The following ASB3 variants were observed in gnomAD, a reference collection of about 807,000 sequenced individuals.
ASB3 encodes the protein ankyrin repeat and SOCS box containing 3, also known as ankyrin repeat and SOCS box protein 3.
A neutral mutation model predicts 54.5 loss-of-function variants in ASB3; 41 were observed. The observed-to-expected ratio is 0.75, with a 90% confidence interval of 0.59 to 0.98. The LOEUF (loss-of-function observed/expected upper bound fraction) is 0.98. Ranked by LOEUF, ASB3 falls within the 50% of genes least tolerant of loss-of-function variation. The pLI, the probability that ASB3 is intolerant of heterozygous loss-of-function variation, is 0.00. For missense variants in ASB3, 733 were observed against 620.0 expected (o/e 1.18, Z -1.94); for synonymous variants, 266 against 221.2 (o/e 1.20, Z -1.80).
At position 53,700,358 on chromosome 2, in the gene ASB3, G is replaced by T; in HGVS notation, c.1151C>A (p.Ala384Glu). 2 of 1,614,084 alleles carry T rather than the reference G, an allele frequency of 1.2e-6. No individual in the cohort carries two copies. Among genetic ancestry groups the T allele is most frequent in the Non-Finnish European group, 1.7e-6 (2 of 1,180,000 alleles). Residue 384 changes from alanine to glutamate, a missense_variant, in exon 8 of 10, where the codon GCA becomes GAA. Transcript: ENST00000263634. ...WNHIYEFVNH[A>E]IKAQAKYKEW... ...CTTATATTTTGCTTGTGCTTTAATTGCATGATTTACAAATTCATATATATG... is the reference window on the plus strand; with the variant it reads ...CTTATATTTTGCTTGTGCTTTAATTTCATGATTTACAAATTCATATATATG...
In ASB3 at chr2:53,750,835, A is replaced by G; in HGVS notation, c.303T>C (p.Ala101=). The G allele has an allele frequency of 6.2e-7, 1 of 1,602,798 alleles. No individual in the cohort carries two copies. The highest frequency in any genetic ancestry group is 8.5e-7 in the Non-Finnish European group (1 of 1,174,616). ...AAGTAGTTGCATTAGGATCTGCCCC[A>G]GCTTCTAAAAGAATCTGTACGATTT... ...HWKIVQILLE[A]GADPNATTLE... The change falls in exon 3 of 10, where the codon GCT becomes GCC. Residue 101 remains alanine, a synonymous_variant. Coordinates refer to ENST00000263634, the MANE Select transcript of ASB3 (RefSeq NM_016115.5).
intron 5 of ASB3, among the ~76,000 whole-genome samples, chr2:53,721,256 G>T (rs1204728568): frequency 6.6e-6 from 1 of 151,550 alleles, no homozygotes; most frequent in Non-Finnish European, 1.5e-5. Flanking sequence ...CAATTACATA[G>T]AAATTAACTT....
chr2:53,781,181 G>A (rs1049771044), intron 1 of ASB3, among the ~76,000 whole-genome samples: 3 of 152,024 alleles, frequency 2.0e-5, no homozygotes, highest in Non-Finnish European at 4.4e-5. Context: ...GCTTGAGGGG[G>A]CAAATCACTT....
At chr2:53,705,311 G>A (rs563839826) in intron 7 of ASB3, among the ~76,000 whole-genome samples, 2 of 152,064 alleles carry the variant, frequency 1.3e-5, no homozygotes, top group East Asian at 1.9e-4. Flanking sequence ...ATGCCCTTTC[G>A]ATAGCACAAA....
rs747786642 is a variant in ASB3 at position 53,693,932 on chromosome 2, TC to T, written c.1320del (p.Met441CysfsTer22). 1 of 1,613,644 alleles carries T rather than the reference TC, an allele frequency of 6.2e-7. No homozygotes were observed. The highest frequency in any genetic ancestry group is 8.5e-7 in the Non-Finnish European group (1 of 1,179,644). On this transcript the variant is annotated frameshift_variant, in exon 9 of 10. Coordinates refer to ENST00000263634, the MANE Select transcript of ASB3 (RefSeq NM_016115.5). LOFTEE classifies it high-confidence loss of function. ...NWKTLAPAVE[R>X]MLSARASNAW... Reference sequence around the variant, plus strand: ...GCGTTTGAGGCACGAGCAGAGAGCATCCTTTCAACAGCTGGTGCAAGTGTCT... The same window carrying T: ...GCGTTTGAGGCACGAGCAGAGAGCATCTTTCAACAGCTGGTGCAAGTGTCT...
rs867624116 is a variant in ASB3, at chr2:53,710,036, A to T, written c.980+4348T>A. 3.3e-5 allele frequency among the ~76,000 whole-genome samples: 5 copies of T among 152,290 alleles called. No individual in the cohort carries two copies. The Middle Eastern group carries it at 0.014, about 414-fold the overall frequency. ...TGTCAGTGAGCCTCTGTGGAAGTTG[A>T]TCCCCTGGCTCCTGTCAAGCTTGCT... On this transcript the variant is annotated intron_variant, in intron 7 of 9. Transcript: ENST00000263634.
At chr2:53,752,718 C>T (rs937994163) in intron 2 of ASB3, among the ~76,000 whole-genome samples, 3 of 152,204 alleles carry the variant, frequency 2.0e-5, no homozygotes, top group African/African-American at 7.2e-5. Flanking sequence ...ACAACACAAG[C>T]ATTGAAGCGT....
chr2:53,681,512 A>C (rs1668370868), intron 9 of ASB3, among the ~76,000 whole-genome samples: 1 of 152,148 alleles, frequency 6.6e-6, no homozygotes, highest in Non-Finnish European at 1.5e-5. Flanking sequence ...AAACTCTTTA[A>C]TGCATTTTTA....
At chr2:53,745,397 G>A (rs549931442) in intron 3 of ASB3, among the ~76,000 whole-genome samples, 1 of 152,142 alleles carries the variant, frequency 6.6e-6, no homozygotes, top group Non-Finnish European at 1.5e-5. Context: ...TTCTCGTGAG[G>A]TTTTCTCATT....
chr2:53,680,767 CAATA>C (rs1668328318), intron 9 of ASB3, among the ~76,000 whole-genome samples: 1 of 152,078 alleles, frequency 6.6e-6, no homozygotes, highest in Admixed American at 6.5e-5. Context: ...GAAAAATGTA[CAATA>C]AATTGTTGAC....
intron 3 of ASB3, among the ~76,000 whole-genome samples, chr2:53,743,714 G>A (rs1672062438): frequency 6.6e-6 from 1 of 152,176 alleles, no homozygotes; most frequent in African/African-American, 2.4e-5. Context: ...AAACCAGAAA[G>A]ATAATAAGTA....
chr2:53,765,664 G>T, intron 1 of ASB3, 79 bp from the exon 2 acceptor site: 20 of 1,530,548 alleles, frequency 1.3e-5, no homozygotes, highest in East Asian at 1.1e-4. Context: ...ATCACGGTGG[G>T]CCTGTCTAGT....
At chr2:53,702,917 T>A (rs1669570095) in intron 7 of ASB3, among the ~76,000 whole-genome samples, 1 of 152,216 alleles carries the variant, frequency 6.6e-6, no homozygotes, top group Non-Finnish European at 1.5e-5. Flanking sequence ...AATAGTGAGT[T>A]TTACTGAATG....
At chr2:53,770,663 T>C (rs1046375946) in intron 1 of ASB3, among the ~76,000 whole-genome samples, 3 of 152,182 alleles carry the variant, frequency 2.0e-5, no homozygotes, top group Non-Finnish European at 4.4e-5. Flanking sequence ...AAAACTTGTT[T>C]TGGCTTCATA....
At chr2:53,749,660 A>AT (rs1315639494) in intron 3 of ASB3, among the ~76,000 whole-genome samples, 2 of 152,096 alleles carry the variant, frequency 1.3e-5, no homozygotes, top group Admixed American at 1.3e-4. Context: ...ATGCAACAAT[A>AT]TGGATGAATC....
intron 7 of ASB3, among the ~76,000 whole-genome samples, chr2:53,701,615 C>G (rs898483428): frequency 2.0e-5 from 3 of 152,120 alleles, no homozygotes; most frequent in African/African-American, 7.2e-5. Context: ...AAAATACTCT[C>G]CAGTGAAAAA....
intron 2 of ASB3, 67 bp downstream of exon 2, chr2:53,765,310 T>TTATAC: frequency 6.3e-7 from 1 of 1,595,350 alleles, no homozygotes; most frequent in South Asian, 1.1e-5. Context: ...AAGTTATGTA[T>TTATAC]TATACTTTTT....
intron 7 of ASB3, 143 bp from the exon 8 acceptor site, chr2:53,700,671 T>G: frequency 8.0e-7 from 1 of 1,243,510 alleles, no homozygotes; most frequent in Non-Finnish European, 1.1e-6. Context: ...TCTAGTGGAT[T>G]GAGATTAGAG....
intron 2 of ASB3, among the ~76,000 whole-genome samples, chr2:53,764,821 A>G (rs1673345564): frequency 6.6e-6 from 1 of 152,218 alleles, no homozygotes; most frequent in Non-Finnish European, 1.5e-5. Context: ...TATTATCTCT[A>G]CTTTGTTTTA....
Sources: allele counts gnomAD v4.1 joint callset (sites outside exome capture counted in the v4.1 genomes callset), GRCh38; gene constraint gnomAD v4.1.1; transcripts MANE v1.5; gene names NCBI Gene and HGNC (gene_info 2026-07-23, HGNC 2026-07-21).